Variants in ASIC2 observed in about 807,000 individuals in gnomAD.
The protein encoded by ASIC2 is acid sensing ion channel subunit 2.
A neutral mutation model predicts 57.3 loss-of-function variants in ASIC2; 25 were observed. The observed-to-expected ratio is 0.44, with a 90% CI of 0.32 to 0.61. ASIC2 has a LOEUF of 0.61. Ranked by LOEUF, ASIC2 falls within the 20% of genes least tolerant of loss-of-function variation. ASIC2 has a pLI of 0.06. For missense variants in ASIC2, 641 were observed against 738.1 expected, an observed-to-expected ratio of 0.87 and a Z score of 1.52; for synonymous variants, 319 against 307.5, an observed-to-expected ratio of 1.04 and a Z score of -0.39.
rs369857227 is a variant in ASIC2, at chr17:33,550,399, C to T, written c.556-438332G>A. Among the ~76,000 whole-genome samples, 46 of 152,304 alleles carry T rather than the reference C, an allele frequency of 3.0e-4. 1 individual carries two copies. The East Asian group carries it at 5.6e-3, about 19-fold the overall frequency. ...CAGGCGATATCATGGGAAGAAAGGG[C>T]TCACATGTGTGATGTTAACAGGGCG... On this transcript the variant is annotated intron_variant, in intron 1 of 9. Coordinates refer to the ASIC2 transcript ENST00000359872.
intron 1 of ASIC2, among the ~76,000 whole-genome samples, chr17:33,865,424 G>A (rs2141926964): frequency 6.6e-6 from 1 of 152,194 alleles, no homozygotes; most frequent in East Asian, 1.9e-4. Flanking sequence ...ACATGCATAA[G>A]GCAGCAAGTG....
chr17:33,773,742 A>G (rs1370820254), intron 1 of ASIC2, among the ~76,000 whole-genome samples: 2 of 150,694 alleles, frequency 1.3e-5, no homozygotes, highest in Middle Eastern at 3.2e-3. Context: ...GCAGCCTCCA[A>G]CTCCTGGGCT....
chr17:33,181,563 G>A (rs1905985236), intron 1 of ASIC2, among the ~76,000 whole-genome samples: 1 of 152,078 alleles, frequency 6.6e-6, no homozygotes, highest in Admixed American at 6.6e-5. Context: ...ACATTCTTTG[G>A]CTTGTGGCAG....
intron 1 of ASIC2, among the ~76,000 whole-genome samples, chr17:34,059,741 A>G (rs1450903788): frequency 6.6e-6 from 1 of 151,866 alleles, no homozygotes; most frequent in Non-Finnish European, 1.5e-5. Flanking sequence ...TTCCCTGACA[A>G]CCTGCGTGAC....
intron 1 of ASIC2, among the ~76,000 whole-genome samples, chr17:34,116,215 A>G (rs9914471): frequency 0.06 from 9,079 of 152,180 alleles, 856 homozygotes; most frequent in African/African-American, 0.2. Flanking sequence ...CATTGACCTG[A>G]GTTTGAATCC....
At chr17:33,345,308 T>C (rs1312719068) in intron 1 of ASIC2, among the ~76,000 whole-genome samples, 1 of 152,228 alleles carries the variant, frequency 6.6e-6, no homozygotes, top group African/African-American at 2.4e-5. Flanking sequence ...GTGTCAGGTA[T>C]GATTCGAGGC....
At chr17:33,558,134 C>T (rs1203335783) in intron 1 of ASIC2, among the ~76,000 whole-genome samples, 1 of 151,638 alleles carries the variant, frequency 6.6e-6, no homozygotes, top group African/African-American at 2.4e-5. Flanking sequence ...GTGGGTTTCT[C>T]CCCGTGTGTG....
chr17:33,486,334 C>G, intron 1 of ASIC2, among the ~76,000 whole-genome samples: 1 of 152,156 alleles, frequency 6.6e-6, no homozygotes, highest in East Asian at 1.9e-4. Flanking sequence ...TCTGCAAGGT[C>G]ACACAGCTGT....
chr17:33,307,752 G>A (rs1734393004), intron 1 of ASIC2, among the ~76,000 whole-genome samples: 1 of 152,208 alleles, frequency 6.6e-6, no homozygotes, highest in African/African-American at 2.4e-5. Flanking sequence ...GAAACTCTCT[G>A]AGTCTTAATT....
intron 2 of ASIC2, among the ~76,000 whole-genome samples, chr17:33,110,645 G>A (rs1282959657): frequency 1.5e-4 from 23 of 152,198 alleles, no homozygotes; most frequent in Admixed American, 1.4e-3. Flanking sequence ...AGAGAGGGGT[G>A]GTGGGAGAGA....
intron 1 of ASIC2, among the ~76,000 whole-genome samples, chr17:33,205,224 T>A (rs1281034283): frequency 6.6e-6 from 1 of 152,168 alleles, no homozygotes; most frequent in Non-Finnish European, 1.5e-5. Flanking sequence ...GGCTCTCTTG[T>A]CAGTCCTCAA....
At chr17:33,899,943 G>A (rs989530499) in intron 1 of ASIC2, among the ~76,000 whole-genome samples, 14 of 152,198 alleles carry the variant, frequency 9.2e-5, no homozygotes, top group African/African-American at 3.4e-4. Flanking sequence ...GCCCTGATAG[G>A]TGATTGAATG....
chr17:33,938,914 C>G (rs2348161), intron 1 of ASIC2, among the ~76,000 whole-genome samples: 22,855 of 152,266 alleles, frequency 0.15, 2,189 homozygotes, highest in East Asian at 0.28. Flanking sequence ...CCTCTGTGCT[C>G]AGACTCTGGC....
intron 1 of ASIC2, among the ~76,000 whole-genome samples, chr17:33,153,020 A>C (rs1183238551): frequency 6.6e-6 from 1 of 152,146 alleles, no homozygotes; most frequent in East Asian, 1.9e-4. Flanking sequence ...ACTTCCTCCC[A>C]GGAGGCCCCT....
intron 1 of ASIC2, among the ~76,000 whole-genome samples, chr17:34,128,382 C>T (rs368114535): frequency 6.7e-6 from 1 of 148,700 alleles, no homozygotes; most frequent in African/African-American, 2.5e-5. Context: ...TGTAATGCAT[C>T]AAGGGAACCA....
chr17:33,216,522 G>C (rs1263996736), intron 1 of ASIC2, among the ~76,000 whole-genome samples: 1 of 152,202 alleles, frequency 6.6e-6, no homozygotes. Flanking sequence ...GGAGGTGTTA[G>C]GCAAGGAAGG....
At chr17:33,936,169 T>G (rs966439148) in intron 1 of ASIC2, 1 of 152,208 alleles carries the variant, frequency 6.6e-6, no homozygotes, top group African/African-American at 2.4e-5. Context: ...CAAACCAAAG[T>G]GCAAGCTGAA....
chr17:33,352,623 C>T (rs1327177018), intron 1 of ASIC2, among the ~76,000 whole-genome samples: 1 of 152,110 alleles, frequency 6.6e-6, no homozygotes, highest in African/African-American at 2.4e-5. Flanking sequence ...TCCAAACCAC[C>T]CTCCCAACTT....
intron 3 of ASIC2, among the ~76,000 whole-genome samples, chr17:33,064,321 C>T (rs1349587682): frequency 6.6e-6 from 1 of 152,170 alleles, no homozygotes; most frequent in East Asian, 1.9e-4. Context: ...ATGATGGTGA[C>T]GTACAGATGG....
Sources: gnomAD v4.1 joint callset for allele counts (sites outside exome capture counted in the v4.1 genomes callset) on GRCh38, gnomAD v4.1.1 for gene constraint, MANE v1.5 for transcripts, NCBI Gene and HGNC (gene_info 2026-07-23, HGNC 2026-07-21) for gene names.